AMPD1: variants seen among roughly 807,000 people sequenced by gnomAD.
AMPD1 encodes AMP deaminase 1.
In AMPD1, 74 loss-of-function variants were observed where a neutral mutation model predicts 82.9. The ratio of observed to expected loss-of-function variants is 0.89; its 90% CI spans 0.74 to 1.08. The LOEUF (loss-of-function observed/expected upper bound fraction) is 1.08, where lower values mean the gene tolerates loss of function less well. Among genes scored for constraint, AMPD1 ranks in the 50% least tolerant of loss-of-function variants. AMPD1 has a pLI of 0.00. For synonymous variants in AMPD1, 333 were observed against 320.5 expected, an observed-to-expected ratio of 1.04 and a Z score of -0.42; for missense variants, 881 against 924.5, an observed-to-expected ratio of 0.95 and a Z score of 0.61.
At chr1:114,687,096 G>C in intron 3 of AMPD1, 186 bp from the exon 4 acceptor site, 1 of 681,534 alleles carries the variant, frequency 1.5e-6, no homozygotes, top group Non-Finnish European at 2.6e-6. Flanking sequence ...ATGACCTTGT[G>C]CCCCTCTCCC....
chr1:114,674,126 G>C, intron 13 of AMPD1, 44 bp from the exon 14 acceptor site: 1 of 1,550,624 alleles, frequency 6.4e-7, no homozygotes, highest in Non-Finnish European at 8.9e-7. Context: ...GTTGAAAAAG[G>C]AATACAAACT....
intron 4 of AMPD1, among the ~76,000 whole-genome samples, chr1:114,685,712 T>A (rs1369784623): frequency 2.0e-5 from 3 of 152,224 alleles, no homozygotes; most frequent in Non-Finnish European, 4.4e-5. Flanking sequence ...ATGAAGTTTA[T>A]CTCCAAATGT....
At chr1:114,689,876 C>T (rs1453076713) in intron 2 of AMPD1, among the ~76,000 whole-genome samples, 3 of 152,140 alleles carry the variant, frequency 2.0e-5, no homozygotes, top group Non-Finnish European at 2.9e-5. Flanking sequence ...AAGTATCTGC[C>T]TTTCTGTTAA....
At chr1:114,684,414 T>G in intron 4 of AMPD1, 50 bp from the exon 5 acceptor site, 1 of 1,591,824 alleles carries the variant, frequency 6.3e-7, no homozygotes, top group Admixed American at 1.7e-5. Flanking sequence ...CACGAAAAAC[T>G]GAGAAGTGAG....
At chr1:114,679,446 C>G (rs1309469801) in intron 7 of AMPD1, 133 bp downstream of exon 7, 1 of 1,267,412 alleles carries the variant, frequency 7.9e-7, no homozygotes, top group Non-Finnish European at 1.1e-6. Flanking sequence ...AATCTATTAT[C>G]TGTTTTTACT....
intron 15 of AMPD1, 100 bp downstream of exon 15, chr1:114,673,539 C>T (rs376607965): frequency 2.1e-5 from 21 of 1,023,718 alleles, no homozygotes; most frequent in East Asian, 7.2e-5. Flanking sequence ...GCATATGATT[C>T]GTGGAACAAT....
chr1:114,679,635 C>T lies in AMPD1; in HGVS notation c.841G>A (p.Asp281Asn), dbSNP rs1346675408. 5 of 1,613,896 alleles carry T rather than the reference C, an allele frequency of 3.1e-6. No individual in the cohort carries two copies. The highest frequency in any genetic ancestry group is 4.2e-6 in the Non-Finnish European group (5 of 1,179,992). Residue 281 changes from aspartate to asparagine, a missense_variant, in exon 7 of 16, where the codon GAC becomes AAC. Physicochemically the swap from Asp to Asn is conservative, Grantham distance 23. Coordinates refer to ENST00000520113, the MANE Select transcript of AMPD1 (RefSeq NM_000036.3). ...FQVHQMLNEMDELKELKNNPH... is the reference protein window; with the variant it reads ...FQVHQMLNEMNELKELKNNPH... ...TTGTTTTTCAGCTCCTTTAACTCGT[C>T]CATCTCGTTAAGCATCTGATGGACC...
In AMPD1 at chr1:114,679,579, C is replaced by T; in HGVS notation, c.897G>A (p.Lys299=). 1 of 1,613,916 alleles carries T rather than the reference C, an allele frequency of 6.2e-7. No individual in the cohort carries two copies. The highest frequency in any genetic ancestry group is 8.5e-7 in the Non-Finnish European group (1 of 1,179,930). Residue 299 remains lysine (K), a splice_region_variant and synonymous_variant, in exon 7 of 16, where the codon AAG becomes AAA. Transcript: ENST00000520113. The part of the protein sequence containing the change: ...NPHRDFYNCR[K]VDTHIHAAAC... ...ACCCCTGAGCAACTAAAATGTTTAC[C>T]TTCCTGCAGTTATAAAAATCTCGGT...
In AMPD1 at chr1:114,673,904, T is replaced by A; in HGVS notation, c.1974+5A>T. ...ATGCTTGTATTGCCCAAGTCCATACTATACCTTGGTAAAGTGGAATTGCAT... is the reference window on the plus strand; with the variant it reads ...ATGCTTGTATTGCCCAAGTCCATACAATACCTTGGTAAAGTGGAATTGCAT... On this transcript the variant is annotated splice_donor_5th_base_variant and intron_variant, in intron 14 of 15. Transcript: ENST00000520113. 1.2e-6 allele frequency: 2 copies of A among 1,613,798 alleles called. No individual in the cohort carries two copies. Among genetic ancestry groups the A allele is most frequent in the Non-Finnish European group, 1.7e-6 (2 of 1,179,670 alleles).
Position 114,684,407 on chromosome 1 carries a change from G to A in AMPD1, c.382-43C>T, listed in dbSNP as rs774623284. On this transcript the variant is annotated intron_variant, in intron 4 of 15. Transcript: ENST00000520113. The stretch of plus-strand genomic sequence containing the variant: ...GTCAGCATATCAGAGTCAATCCCAC[G>A]AAAAACTGAGAAGTGAGTAAAGCTT... 3.1e-6 allele frequency: 5 copies of A among 1,598,700 alleles called. No homozygotes were observed. In the African/African-American group the frequency reaches 4.0e-5, roughly 13 times the overall value.
At chr1:114,693,879 T>C (rs1658594692) in intron 1 of AMPD1, among the ~76,000 whole-genome samples, 1 of 152,126 alleles carries the variant, frequency 6.6e-6, no homozygotes, top group Non-Finnish European at 1.5e-5. Flanking sequence ...GGTGTCAATA[T>C]TGTTATCAGA....
At position 114,680,324 on chromosome 1, in the gene AMPD1, G is replaced by C. The variant is rs945752075; in HGVS notation, c.702C>G (p.Tyr234Ter). 1.2e-6 allele frequency: 2 copies of C among 1,614,070 alleles called. No individual in the cohort carries two copies. Among genetic ancestry groups the C allele is most frequent in the Admixed American group, 1.7e-5 (1 of 60,002 alleles). Residue 234 changes from tyrosine to a stop codon, truncating the protein, a stop_gained, in exon 6 of 16, where the codon TAC becomes TAG. Transcript: ENST00000520113. LOFTEE classifies it high-confidence loss of function. ...VSKDEPKPLP[Y>*]PNLDTFLDDM... ...CGTCTAAGAAGGTGTCCAGATTTGG[G>C]TAAGGAAGTGGCTTAGGCTCATCTT...
At chr1:114,675,400 G>T in intron 12 of AMPD1, 130 bp downstream of exon 12, 2 of 1,021,096 alleles carry the variant, frequency 2.0e-6, no homozygotes, top group East Asian at 2.4e-5. Flanking sequence ...TTAAGAGAAA[G>T]AAATTTCTGA....
intron 8 of AMPD1, 53 bp from the exon 9 acceptor site, chr1:114,678,094 G>C: frequency 6.2e-7 from 1 of 1,608,584 alleles, no homozygotes. Flanking sequence ...TGTCTGGACA[G>C]AGAGAGCTAG....
At chr1:114,693,240 A>G (rs1570857427) in intron 2 of AMPD1, among the ~76,000 whole-genome samples, 196 bp downstream of exon 2, 1 of 150,648 alleles carries the variant, frequency 6.6e-6, no homozygotes, top group South Asian at 2.1e-4. Flanking sequence ...TTATACACAC[A>G]CTAGAATCCA....
rs1658333224 is a variant in AMPD1, at chr1:114,686,845, G to T, written c.281C>A (p.Thr94Asn). The T allele has an allele frequency of 6.2e-7, 1 of 1,614,056 alleles. No individual in the cohort carries two copies. The highest frequency in any genetic ancestry group is 1.7e-5 in the Admixed American group (1 of 60,004). The change falls in exon 4 of 16, where the codon ACC (threonine) becomes AAC (asparagine). Residue 94 changes from threonine to asparagine, a missense_variant. This residue lies in a region of AMPD1 where 783 missense variants were observed against 786.4 expected (regional missense o/e 1.00). Transcript: ENST00000520113. ...LSIPLSETSS[T>N]KLSHIDEYIS... is the part of the protein sequence containing the mutation. ...GTATTCATCAATGTGGGACAGTTTG[G>T]TGGAAGATGTTTCACTTAGTGGAAT...
At chr1:114,691,854 G>T (rs1028213203) in intron 2 of AMPD1, among the ~76,000 whole-genome samples, 1 of 152,104 alleles carries the variant, frequency 6.6e-6, no homozygotes, top group African/African-American at 2.4e-5. Flanking sequence ...GAACTCGGGA[G>T]GTGGAGCTTG....
At chr1:114,691,426 A>G (rs940173500) in intron 2 of AMPD1, among the ~76,000 whole-genome samples, 1 of 151,290 alleles carries the variant, frequency 6.6e-6, no homozygotes, top group Non-Finnish European at 1.5e-5. Flanking sequence ...AAATTAGCCA[A>G]GCATGGTGGC....
At chr1:114,692,473 G>A (rs1658542737) in intron 2 of AMPD1, among the ~76,000 whole-genome samples, 1 of 152,082 alleles carries the variant, frequency 6.6e-6, no homozygotes, top group Non-Finnish European at 1.5e-5. Context: ...ATCACTTGAG[G>A]TCAGGAGTTC....
Sources: allele counts gnomAD v4.1 joint callset (sites outside exome capture counted in the v4.1 genomes callset), GRCh38; gene constraint gnomAD v4.1.1; regional missense constraint gnomAD v4.1.1; transcripts MANE v1.5; gene names NCBI Gene and HGNC (gene_info 2026-07-23, HGNC 2026-07-21).